Variants in ADAM17 observed in about 807,000 individuals in gnomAD.
ADAM17 encodes ADAM metallopeptidase domain 17.
A neutral mutation model predicts 96.7 loss-of-function variants in ADAM17; 39 were observed. That is an observed-to-expected ratio of 0.40 (90% CI 0.31 to 0.53). ADAM17 has a LOEUF of 0.53. ADAM17 is among the 20% of genes least tolerant of loss of function. The pLI is 0.44. For synonymous variants in ADAM17, 344 were observed against 359.2 expected, an observed-to-expected ratio of 0.96 and a Z score of 0.48; for missense variants, 777 against 1,013.2, an observed-to-expected ratio of 0.77 and a Z score of 3.17.
chr2:9,501,133 T>C (rs1469509903), intron 13 of ADAM17, among the ~76,000 whole-genome samples: 1 of 152,056 alleles, frequency 6.6e-6, no homozygotes, highest in Non-Finnish European at 1.5e-5. Flanking sequence ...TGAAACCCAA[T>C]TTTTAAAAAA....
intron 4 of ADAM17, among the ~76,000 whole-genome samples, chr2:9,533,545 C>CA (rs1436648542): frequency 6.6e-6 from 1 of 151,560 alleles, no homozygotes; most frequent in African/African-American, 2.4e-5. Flanking sequence ...GACTCAGTCT[C>CA]AAAAAAACAA....
At chr2:9,493,138 C>G (rs1444532675) in intron 16 of ADAM17, 152 bp from the exon 17 acceptor site, 1 of 613,174 alleles carries the variant, frequency 1.6e-6, no homozygotes, top group Non-Finnish European at 2.8e-6. Context: ...TGTATTACAC[C>G]ACACCATCTC....
intron 2 of ADAM17, among the ~76,000 whole-genome samples, chr2:9,542,515 T>C (rs1351861171): frequency 6.6e-6 from 1 of 152,194 alleles, no homozygotes; most frequent in Non-Finnish European, 1.5e-5. Flanking sequence ...TATCTCTTCA[T>C]ATATAAAGAT....
intron 1 of ADAM17, among the ~76,000 whole-genome samples, chr2:9,544,530 G>C (rs958808570): frequency 7.4e-6 from 1 of 135,022 alleles, no homozygotes; most frequent in Admixed American, 7.6e-5. Flanking sequence ...ATCTCTAGGC[G>C]GGGGAAAAAA....
At chr2:9,528,497 T>G (rs1309624163) in intron 4 of ADAM17, among the ~76,000 whole-genome samples, 1 of 152,212 alleles carries the variant, frequency 6.6e-6, no homozygotes, top group African/African-American at 2.4e-5. Context: ...ACCTTATTAC[T>G]TGTTTCAGCG....
At chr2:9,554,488 A>G (rs1179188254) in intron 1 of ADAM17, among the ~76,000 whole-genome samples, 2 of 152,206 alleles carry the variant, frequency 1.3e-5, no homozygotes, top group Non-Finnish European at 2.9e-5. Context: ...TTTAGTATCC[A>G]TACCAATCCA....
At chr2:9,532,676 C>T (rs11687228) in intron 4 of ADAM17, among the ~76,000 whole-genome samples, 20,402 of 130,040 alleles carry the variant, frequency 0.16, 1,565 homozygotes, top group Middle Eastern at 0.2. Context: ...GGAGTAGAGA[C>T]AAGGTCTCCC....
chr2:9,500,015 T>A (rs1399959990), intron 13 of ADAM17, among the ~76,000 whole-genome samples: 1 of 152,190 alleles, frequency 6.6e-6, no homozygotes, highest in African/African-American at 2.4e-5. Flanking sequence ...CTCAAAAGAT[T>A]AAGCATAGTT....
At position 9,493,617 on chromosome 2, in the gene ADAM17, A is replaced by C. The variant is rs60242963; in HGVS notation, c.1993+130T>G. 1.8e-3 allele frequency: 1,306 copies of C among 727,162 alleles called. 12 individuals carry two copies. In the African/African-American group the frequency reaches 0.022, roughly 12 times the overall value. The allele number at this position is 727,162 out of a possible 1,614,324, so 45.0% of individuals were successfully genotyped here. ...TTATTCTAGCCAACAAAGTTGTTTC[A>C]TAACTAAAGCTGTGAATAGTTCCAC... On this transcript the variant is annotated intron_variant, in intron 16 of 18. Coordinates refer to ENST00000310823, the MANE Select transcript of ADAM17 (RefSeq NM_003183.6).
chr2:9,491,773 C>T (rs953165979), intron 17 of ADAM17, among the ~76,000 whole-genome samples: 3 of 152,238 alleles, frequency 2.0e-5, no homozygotes, highest in African/African-American at 4.8e-5. Flanking sequence ...ACTAGGCTTC[C>T]TGTCTGGGTG....
chr2:9,535,808 GA>G (rs1172161135), intron 4 of ADAM17, 25 bp downstream of exon 4: 16 of 1,476,232 alleles, frequency 1.1e-5, no homozygotes, highest in South Asian at 2.5e-5. Flanking sequence ...ATAAGCTACT[GA>G]AAAAAAATTC....
intron 1 of ADAM17, among the ~76,000 whole-genome samples, chr2:9,553,140 T>A (rs775627406): frequency 6.6e-6 from 1 of 152,134 alleles, no homozygotes; most frequent in Non-Finnish European, 1.5e-5. Context: ...ACTGACAGCA[T>A]CTTCCTGAGA....
intron 18 of ADAM17, 23 bp downstream of exon 18, chr2:9,491,078 T>C (rs1662101936): frequency 6.2e-7 from 1 of 1,606,728 alleles, no homozygotes; most frequent in Non-Finnish European, 8.5e-7. Context: ...GAAGATTATG[T>C]TTCTTTCATA....
intron 14 of ADAM17, 167 bp from the exon 15 acceptor site, chr2:9,494,934 G>A: frequency 1.3e-6 from 1 of 742,228 alleles, no homozygotes; most frequent in African/African-American, 1.8e-5. Context: ...TAGTTTCTGA[G>A]GTCACACTCC....
chr2:9,554,007 G>T (rs972514306), intron 1 of ADAM17, among the ~76,000 whole-genome samples: 23 of 152,106 alleles, frequency 1.5e-4, no homozygotes, highest in Admixed American at 1.4e-3. Flanking sequence ...AGGTTGCAGT[G>T]AGCTGAGATC....
Position 9,490,440 on chromosome 2 carries a change from G to A in ADAM17, c.2212C>T (p.Arg738Cys), listed in dbSNP as rs370064783. The A allele has an allele frequency of 1.1e-4, 176 of 1,614,170 alleles. No individual in the cohort carries two copies. The highest frequency in any genetic ancestry group is 3.3e-4 in the Middle Eastern group (2 of 6,060). ...GGGATCACAGGGGCAGGCTGCAGGC[G>A]GCCTGGAGTCTGGGGCGCAGGAAAG... ...KPFPAPQTPG[R>C]LQPAPVIPSA... Residue 738 changes from arginine (R) to cysteine (C), a missense_variant, in exon 19 of 19, where the codon CGC becomes TGC. Arg to Cys is a radical substitution (Grantham distance 180). Around this residue, in one of 3 missense-constraint regions of ADAM17, gnomAD observed 197 missense variants for 219.4 expected, o/e 0.90. Transcript: ENST00000310823.
At chr2:9,502,336 A>C in intron 12 of ADAM17, 60 bp from the exon 13 acceptor site, 2 of 1,420,968 alleles carry the variant, frequency 1.4e-6, no homozygotes, top group Non-Finnish European at 2.0e-6. Flanking sequence ...TATCAAATCA[A>C]ACGCTACAGT....
intron 12 of ADAM17, 42 bp from the exon 13 acceptor site, chr2:9,502,318 T>C (rs762885583): frequency 2.0e-6 from 3 of 1,510,874 alleles, no homozygotes; most frequent in Non-Finnish European, 2.7e-6. Flanking sequence ...ATTCAAATTA[T>C]GGCCCCATAT....
At chr2:9,511,382 G>C (rs1029428593) in intron 10 of ADAM17, among the ~76,000 whole-genome samples, 3 of 151,914 alleles carry the variant, frequency 2.0e-5, no homozygotes, top group Admixed American at 1.3e-4. Flanking sequence ...CCCAGGAGGC[G>C]GAGGTTGCAG....
Sources: allele counts gnomAD v4.1 joint callset (sites outside exome capture counted in the v4.1 genomes callset), GRCh38; gene constraint gnomAD v4.1.1; regional missense constraint gnomAD v4.1.1; transcripts MANE v1.5; gene names NCBI Gene and HGNC (gene_info 2026-07-23, HGNC 2026-07-21).